Variants in NPTN observed in about 807,000 individuals in gnomAD.
NPTN encodes the protein SDR-1.
In NPTN, 5 loss-of-function variants were observed where a neutral mutation model predicts 42.7. That is an observed-to-expected ratio of 0.12 (90% confidence interval 0.06 to 0.25). The LOEUF (loss-of-function observed/expected upper bound fraction) is 0.25, where lower values mean the gene tolerates loss of function less well. Ranked by LOEUF, NPTN falls within the 10% of genes least tolerant of loss-of-function variation. The probability of loss-of-function intolerance (pLI) is 1.00; values close to 1 mark genes in which losing one functional copy is unlikely to be tolerated. For missense variants in NPTN, 307 were observed against 525.4 expected (o/e 0.58, Z 4.06); for synonymous variants, 180 against 201.9 (o/e 0.89, Z 0.92).
intron 5 of NPTN, 41 bp downstream of exon 5, chr15:73,573,621 A>G: frequency 1.3e-6 from 2 of 1,525,032 alleles, no homozygotes; most frequent in Non-Finnish European, 1.8e-6. Context: ...TCTGCAGGGA[A>G]AACTCCAGCA....
intron 2 of NPTN, among the ~76,000 whole-genome samples, chr15:73,595,554 T>C (rs1896795869): frequency 6.6e-6 from 1 of 152,190 alleles, no homozygotes; most frequent in African/African-American, 2.4e-5. Flanking sequence ...TCTAAGTATA[T>C]AGACTCAAGG....
rs117232899 is a variant in NPTN at position 73,574,319 on chromosome 15, C to G, written c.707-524G>C. Among the ~76,000 whole-genome samples the G allele has an allele frequency of 9.7e-3, 1,476 of 152,194 alleles. 9 individuals are homozygous for G. Among genetic ancestry groups the G allele is most frequent in the Non-Finnish European group, 0.016 (1,062 of 68,014 alleles). On this transcript the variant is annotated intron_variant, in intron 4 of 8. Coordinates refer to ENST00000345330, the MANE Select transcript of NPTN (RefSeq NM_012428.4). ...GAAGCTACTCAATAAGTAACAATGA[C>G]CAAGGCTCTCCCAGGAAAGAGGGAA...
intron 6 of NPTN, chr15:73,568,525 C>T (rs1895174777): frequency 1.0e-6 from 1 of 985,358 alleles, no homozygotes; most frequent in African/African-American, 1.7e-5. Flanking sequence ...TTTCCCTTTA[C>T]TCCCAGGTCT....
At chr15:73,621,816 A>G (rs910696713) in intron 1 of NPTN, among the ~76,000 whole-genome samples, 4 of 152,232 alleles carry the variant, frequency 2.6e-5, no homozygotes, top group Non-Finnish European at 5.9e-5. Context: ...AAGTATAACT[A>G]GGGTTATGTT....
intron 4 of NPTN, among the ~76,000 whole-genome samples, chr15:73,584,359 G>A (rs1314715173): frequency 6.6e-6 from 1 of 151,904 alleles, no homozygotes; most frequent in Non-Finnish European, 1.5e-5. Context: ...AATGATACCG[G>A]GATTTTTAAT....
At chr15:73,575,188 G>A (rs557223626) in intron 4 of NPTN, among the ~76,000 whole-genome samples, 3 of 152,292 alleles carry the variant, frequency 2.0e-5, no homozygotes, top group Non-Finnish European at 2.9e-5. Context: ...TCATCATGTT[G>A]GTCAGGCTGG....
At chr15:73,580,418 TATAATATATATATAATATATATA>T (rs930055273) in intron 4 of NPTN, among the ~76,000 whole-genome samples, 1 of 117,764 alleles carries the variant, frequency 8.5e-6, no homozygotes, top group African/African-American at 3.2e-5. Context: ...ATAATATATA[TATAATATATATATAATATATATA>T]ATATATATGT....
intron 8 of NPTN, among the ~76,000 whole-genome samples, chr15:73,561,259 G>C (rs781184080): frequency 6.6e-6 from 1 of 152,130 alleles, no homozygotes; most frequent in Non-Finnish European, 1.5e-5. Context: ...AAGACTAGTA[G>C]GCCTCTGGGA....
intron 4 of NPTN, among the ~76,000 whole-genome samples, chr15:73,584,815 C>A (rs1051395503): frequency 4.8e-5 from 7 of 145,772 alleles, no homozygotes; most frequent in Admixed American, 3.4e-4. Context: ...GCTCCAGATA[C>A]AAGGCCTCCC....
chr15:73,598,265 C>G (rs147048153), intron 1 of NPTN, among the ~76,000 whole-genome samples: 1 of 152,194 alleles, frequency 6.6e-6, no homozygotes, highest in African/African-American at 2.4e-5. Flanking sequence ...AGGCTCCATA[C>G]AGTTGAATTG....
intron 7 of NPTN, 53 bp from the exon 8 acceptor site, chr15:73,562,023 A>G: frequency 7.6e-7 from 1 of 1,319,438 alleles, no homozygotes; most frequent in Non-Finnish European, 1.1e-6. Context: ...TAACTTTTCA[A>G]AGTATAACAC....
chr15:73,613,411 A>G (rs7166504), intron 1 of NPTN, among the ~76,000 whole-genome samples: 6,815 of 152,326 alleles, frequency 0.045, 181 homozygotes, highest in Non-Finnish European at 0.054. Context: ...GTCTTAGAAT[A>G]AAGTACACAA....
chr15:73,580,875 A>G (rs946379693), intron 4 of NPTN, among the ~76,000 whole-genome samples: 4 of 152,022 alleles, frequency 2.6e-5, no homozygotes, highest in East Asian at 3.9e-4. Context: ...TCTCGACTCT[A>G]TTACTCACCA....
intron 1 of NPTN, among the ~76,000 whole-genome samples, chr15:73,628,510 G>A (rs532652406): frequency 6.6e-6 from 1 of 152,202 alleles, no homozygotes; most frequent in South Asian, 2.1e-4. Flanking sequence ...CTCTTGTATG[G>A]TATCCAACAT....
At chr15:73,585,418 T>A (rs1189539288) in intron 4 of NPTN, among the ~76,000 whole-genome samples, 1 of 152,224 alleles carries the variant, frequency 6.6e-6, no homozygotes, top group East Asian at 1.9e-4. Context: ...TACACACATG[T>A]ACTACTCTAA....
intron 2 of NPTN, among the ~76,000 whole-genome samples, chr15:73,595,821 T>C (rs1045685040): frequency 2.0e-5 from 3 of 152,202 alleles, no homozygotes; most frequent in Admixed American, 2.0e-4. Context: ...TCCCTCTCTC[T>C]GCTTCTCAAC....
At chr15:73,610,584 T>C (rs543053009) in intron 1 of NPTN, among the ~76,000 whole-genome samples, 5 of 152,304 alleles carry the variant, frequency 3.3e-5, no homozygotes, top group African/African-American at 1.2e-4. Flanking sequence ...AATCTCAGCC[T>C]AAAGCCCAAA....
rs552223253 is a variant in NPTN, at chr15:73,632,931, G to C, written c.91+194C>G. 3 of 430,268 alleles carry C rather than the reference G, an allele frequency of 7.0e-6. No individual in the cohort carries two copies. The South Asian group carries it at 1.8e-4, about 25-fold the overall frequency. The allele number at this position is 430,268 out of a possible 1,614,324, so 26.7% of individuals were successfully genotyped here. A position where few individuals can be genotyped will look rare whatever the true frequency, so the allele number is the denominator to read the frequency against. ...TCACCCCGGACGCCCCCGCCGCTCG[G>C]ATAGGAGCCTCCGGTCCTCACACCC... On this transcript the variant is annotated intron_variant, in intron 1 of 8. Coordinates refer to ENST00000345330, the MANE Select transcript of NPTN (RefSeq NM_012428.4).
intron 1 of NPTN, among the ~76,000 whole-genome samples, chr15:73,609,039 G>A (rs923765171): frequency 6.6e-6 from 1 of 152,156 alleles, no homozygotes; most frequent in Non-Finnish European, 1.5e-5. Flanking sequence ...CTGACTCAGG[G>A]AGGATGAAAA....
Sources: allele counts gnomAD v4.1 joint callset (sites outside exome capture counted in the v4.1 genomes callset), GRCh38; gene constraint gnomAD v4.1.1; transcripts MANE v1.5; gene names NCBI Gene and HGNC (gene_info 2026-07-23, HGNC 2026-07-21).